The following LPIN1 variants were observed in gnomAD, a reference collection of about 807,000 sequenced individuals.
LPIN1 encodes the protein lipin 1.
Under a neutral mutation model 107.5 loss-of-function variants are expected in LPIN1, and 71 were observed. That is an observed-to-expected ratio of 0.66 (90% CI 0.55 to 0.80). The LOEUF (loss-of-function observed/expected upper bound fraction) is 0.80, where lower values mean the gene tolerates loss of function less well. Ranked by LOEUF, LPIN1 falls within the 30% of genes least tolerant of loss-of-function variation. The probability of loss-of-function intolerance (pLI) is 0.00; values close to 1 mark genes in which losing one functional copy is unlikely to be tolerated. For missense variants in LPIN1, 1,043 were observed against 1,160.6 expected (o/e 0.90, Z 1.47); for synonymous variants, 445 against 452.6 (o/e 0.98, Z 0.21).
Position 11,771,138 on chromosome 2 carries a change from G to A in LPIN1, c.289-234G>A, listed in dbSNP as rs1558862801. Among the ~76,000 whole-genome samples the A allele has an allele frequency of 6.6e-6, 1 of 152,126 alleles. No individual in the cohort carries two copies. Among genetic ancestry groups the A allele is most frequent in the African/African-American group, 2.4e-5 (1 of 41,434 alleles). On this transcript the variant is annotated intron_variant, in intron 3 of 20. Coordinates refer to ENST00000674199, the MANE Select transcript of LPIN1 (RefSeq NM_001349206.2). The surrounding 1 kb of genome is among the most constrained non-coding windows in gnomAD (Gnocchi z 4.8). ...CTCCCATTGTTAAAATTACATAAAT[G>A]CAGGATTGAGTACAAAGTGGCATTC...
At position 11,786,897 on chromosome 2, in the gene LPIN1, G is replaced by A. The variant is rs1289875626; in HGVS notation, c.1550-177G>A. 6 of 637,776 alleles carry A rather than the reference G, an allele frequency of 9.4e-6. No individual in the cohort carries two copies. The highest frequency in any genetic ancestry group is 5.4e-5 in the African/African-American group (3 of 55,956). 39.5% of individuals were successfully genotyped at this position (637,776 alleles called of 1,614,324 possible). On this transcript the variant is annotated intron_variant, in intron 10 of 20. Transcript: ENST00000674199. The surrounding 1 kb of genome is among the most constrained non-coding windows in gnomAD (Gnocchi z 4.1). ...GGCCTCCCTGCATTGCTGCACAGACGCCGCCTTCCAGGTAAAATGGTGCGG... is the reference window on the plus strand; with the variant it reads ...GGCCTCCCTGCATTGCTGCACAGACACCGCCTTCCAGGTAAAATGGTGCGG...
In LPIN1 at chr2:11,707,927, C is replaced by G. The variant is rs1469354429; in HGVS notation, c.82-5829C>G. ...GGGTAGGCCCCTTAGAGAAGCCTGG[C>G]TGGACTTCAGGAGTTTCATGTGAGA... On this transcript the variant is annotated intron_variant, in intron 1 of 21. Transcript: ENST00000449576. The surrounding 1 kb of genome is among the most constrained non-coding windows in gnomAD (Gnocchi z 4.2). Among the ~76,000 whole-genome samples the G allele has an allele frequency of 2.0e-5, 3 of 152,142 alleles. No individual in the cohort carries two copies. Among genetic ancestry groups the G allele is most frequent in the Admixed American group, 6.5e-5 (1 of 15,268 alleles).
chr2:11,791,305 T>C (rs1227830997), intron 12 of LPIN1, among the ~76,000 whole-genome samples: 1 of 152,206 alleles, frequency 6.6e-6, no homozygotes, highest in South Asian at 2.1e-4. Flanking sequence ...TCAAGATAGA[T>C]AGGTATTTTG....
At chr2:11,727,884 C>T (rs751583805) in intron 1 of LPIN1, among the ~76,000 whole-genome samples, 2 of 152,226 alleles carry the variant, frequency 1.3e-5, no homozygotes, top group African/African-American at 2.4e-5. Flanking sequence ...AACCGCAGGT[C>T]GACAAATACA....
chr2:11,717,127 G>A (rs1406284637), intron 2 of LPIN1, among the ~76,000 whole-genome samples: 1 of 151,944 alleles, frequency 6.6e-6, no homozygotes, highest in Non-Finnish European at 1.5e-5. Context: ...TTTGAAACAT[G>A]TGATCAAAGC....
chr2:11,678,671 C>T (rs1349973699), intron 1 of LPIN1, among the ~76,000 whole-genome samples: 1 of 152,226 alleles, frequency 6.6e-6, no homozygotes, highest in East Asian at 1.9e-4. Flanking sequence ...GCAGTGCCTT[C>T]CTTCAGGGAC....
In LPIN1 at chr2:11,792,105, G is replaced by A. The variant is rs1572860793; in HGVS notation, c.1806+99G>A. On this transcript the variant is annotated intron_variant, in intron 13 of 20. Coordinates refer to ENST00000674199, the MANE Select transcript of LPIN1 (RefSeq NM_001349206.2). ...ACTTACATCAGAGAAATGAAGATAG[G>A]CCCTAGTGCTGAGTTTCCATGAGCC... 6 of 1,025,516 alleles carry A rather than the reference G, an allele frequency of 5.9e-6. No individual in the cohort carries two copies. In the East Asian group the frequency reaches 1.3e-4, roughly 23 times the overall value. 63.5% of individuals were successfully genotyped at this position (1,025,516 alleles called of 1,614,324 possible). A position where few individuals can be genotyped will look rare whatever the true frequency, so the allele number is the denominator to read the frequency against.
chr2:11,788,595 G>T, intron 12 of LPIN1, 139 bp downstream of exon 12: 1 of 732,082 alleles, frequency 1.4e-6, no homozygotes. Context: ...GAGCATACAG[G>T]CCAGGAGTTT....
chr2:11,701,343 C>T (rs1040024376), intron 1 of LPIN1, among the ~76,000 whole-genome samples: 2 of 152,162 alleles, frequency 1.3e-5, no homozygotes, highest in African/African-American at 4.8e-5. Flanking sequence ...TTCGTAATTA[C>T]CCCACTGATG....
At chr2:11,809,656 TC>T (rs1423337109) in intron 17 of LPIN1, among the ~76,000 whole-genome samples, 1 of 152,240 alleles carries the variant, frequency 6.6e-6, no homozygotes, top group African/African-American at 2.4e-5. Context: ...CCTCAGGTGA[TC>T]CATCCACCTC....
intron 1 of LPIN1, among the ~76,000 whole-genome samples, chr2:11,731,069 T>TA (rs1355541001): frequency 1.1e-4 from 17 of 152,136 alleles, no homozygotes; most frequent in Non-Finnish European, 2.4e-4. Context: ...AAACACAATT[T>TA]AAAAAAATTA....
intron 17 of LPIN1, among the ~76,000 whole-genome samples, chr2:11,808,363 A>C (rs1441019162): frequency 1.3e-5 from 2 of 152,142 alleles, no homozygotes. Context: ...TCAGGCTAAG[A>C]ATTGACCAAG....
At chr2:11,809,707 C>T (rs1205371366) in intron 17 of LPIN1, among the ~76,000 whole-genome samples, 5 of 152,208 alleles carry the variant, frequency 3.3e-5, no homozygotes, top group South Asian at 2.1e-4. Flanking sequence ...TGAGCCACTG[C>T]GCCCGGCCTA....
In LPIN1 at chr2:11,765,404, C is replaced by A; in HGVS notation, c.-9-129C>A. The A allele has an allele frequency of 1.2e-6, 1 of 855,018 alleles. No homozygotes were observed. Among genetic ancestry groups the A allele is most frequent in the Non-Finnish European group, 1.8e-6 (1 of 548,094 alleles). The allele number at this position is 855,018 out of a possible 1,614,324, so 53.0% of individuals were successfully genotyped here. ...GCTATGGGGGTGGATAGAACACATT[C>A]CGGAAATGAGAGGAGCTGAAAGTTG... On this transcript the variant is annotated intron_variant, in intron 1 of 20. Coordinates refer to ENST00000674199, the MANE Select transcript of LPIN1 (RefSeq NM_001349206.2). This position sits in a 1 kb window ranked among gnomAD's most constrained non-coding sequence, Gnocchi z 4.4.
At chr2:11,804,999 A>G in intron 16 of LPIN1, 71 bp from the exon 17 acceptor site, 2 of 646,074 alleles carry the variant, frequency 3.1e-6, no homozygotes, top group Admixed American at 3.0e-5. Flanking sequence ...TTTTTTTTTT[A>G]TGAGGCATGA....
At chr2:11,724,720 T>C in intron 1 of LPIN1, 1 of 864,258 alleles carries the variant, frequency 1.2e-6, no homozygotes, top group Non-Finnish European at 1.4e-6. Context: ...GTGTCCCCCA[T>C]CGGGCTTCTC....
At chr2:11,705,772 T>C (rs540568048) in intron 1 of LPIN1, among the ~76,000 whole-genome samples, 1 of 152,282 alleles carries the variant, frequency 6.6e-6, no homozygotes, top group South Asian at 2.1e-4. Context: ...TTTAGAAAAT[T>C]GCATGCTTTT....
chr2:11,684,487 T>C (rs1450196703), intron 1 of LPIN1, among the ~76,000 whole-genome samples: 2 of 152,224 alleles, frequency 1.3e-5, no homozygotes, highest in Non-Finnish European at 2.9e-5. Context: ...TCTCTTGTTT[T>C]TGAAGGAAGA....
chr2:11,679,184 C>T (rs7563566), intron 1 of LPIN1, among the ~76,000 whole-genome samples: 135,777 of 152,096 alleles, frequency 0.89, 62,500 homozygotes, highest in Non-Finnish European at 1. Context: ...AGCACAGCAT[C>T]GCTATTCCCA....
Sources: gnomAD v4.1 joint callset for allele counts (sites outside exome capture counted in the v4.1 genomes callset) on GRCh38, gnomAD v4.1.1 for gene constraint, Gnocchi (gnomAD v3.1) non-coding constraint, MANE v1.5 for transcripts, NCBI Gene and HGNC (gene_info 2026-07-23, HGNC 2026-07-21) for gene names.